Variants in GLRB observed in about 807,000 individuals in gnomAD.
GLRB encodes glycine receptor beta.
Under a neutral mutation model 54.2 loss-of-function variants are expected in GLRB, and 33 were observed. The observed-to-expected ratio is 0.61, with a 90% CI of 0.46 to 0.81. The LOEUF (loss-of-function observed/expected upper bound fraction) is 0.81, where lower values mean the gene tolerates loss of function less well. Ranked by LOEUF, GLRB falls within the 40% of genes least tolerant of loss-of-function variation. GLRB has a pLI of 0.00. For synonymous variants in GLRB, 209 were observed against 208.2 expected (o/e 1.00, Z -0.03); for missense variants, 572 against 584.6 (o/e 0.98, Z 0.22).
At chr4:157,087,117 C>T (rs924185135) in intron 2 of GLRB, among the ~76,000 whole-genome samples, 1 of 152,086 alleles carries the variant, frequency 6.6e-6, no homozygotes, top group African/African-American at 2.4e-5. Context: ...TTTATGCTTG[C>T]TAGTTCAAAG....
At chr4:157,164,976 C>G (rs1047709061) in intron 9 of GLRB, among the ~76,000 whole-genome samples, 2 of 152,056 alleles carry the variant, frequency 1.3e-5, no homozygotes, top group African/African-American at 4.8e-5. Flanking sequence ...TAGAAACACA[C>G]TTGTTTGAAT....
At chr4:157,097,133 T>C (rs149645858) in intron 2 of GLRB, among the ~76,000 whole-genome samples, 1 of 152,330 alleles carries the variant, frequency 6.6e-6, no homozygotes, top group African/African-American at 2.4e-5. Flanking sequence ...TGTGGATATA[T>C]ATAAGAAATC....
In GLRB at chr4:157,134,468, C is replaced by A. The variant is rs2126561634; in HGVS notation, c.298-2001C>A. Among the ~76,000 whole-genome samples, 3 of 151,914 alleles carry A rather than the reference C, an allele frequency of 2.0e-5. 1 individual carries two copies. In the East Asian group the frequency reaches 5.8e-4, roughly 29 times the overall value. ...TAGTTTCACTGCCCTCCAACCTGGG[C>A]AACAGAGCAAGACCCTGTCTCAAAA... On this transcript the variant is annotated intron_variant, in intron 4 of 9. Coordinates refer to ENST00000264428, the MANE Select transcript of GLRB (RefSeq NM_000824.5).
chr4:157,166,106 A>T (rs1240477213), intron 9 of GLRB, among the ~76,000 whole-genome samples: 1 of 150,124 alleles, frequency 6.7e-6, no homozygotes, highest in Non-Finnish European at 1.5e-5. Context: ...CTAAAGTTGG[A>T]GGCATTAGAA....
intron 4 of GLRB, among the ~76,000 whole-genome samples, chr4:157,134,848 G>T (rs1441596250): frequency 6.6e-6 from 1 of 152,024 alleles, no homozygotes; most frequent in Non-Finnish European, 1.5e-5. Context: ...ATATGAGAGA[G>T]AAATTGTTAA....
chr4:157,092,609 G>A (rs946842868), intron 2 of GLRB, among the ~76,000 whole-genome samples: 1 of 152,178 alleles, frequency 6.6e-6, no homozygotes, highest in African/African-American at 2.4e-5. Flanking sequence ...TAAACTCAGA[G>A]TGTTAGGTCT....
chr4:157,131,208 C>T (rs900632938), intron 4 of GLRB, among the ~76,000 whole-genome samples: 1 of 151,684 alleles, frequency 6.6e-6, no homozygotes, highest in Non-Finnish European at 1.5e-5. Flanking sequence ...ATTGAAAGAA[C>T]AAACAATATT....
intron 6 of GLRB, among the ~76,000 whole-genome samples, chr4:157,137,999 C>G (rs1736467742): frequency 6.6e-6 from 1 of 152,078 alleles, no homozygotes; most frequent in Non-Finnish European, 1.5e-5. Context: ...AATTATGTCC[C>G]TTTGAGGGAT....
At chr4:157,133,216 G>A (rs1021514666) in intron 4 of GLRB, among the ~76,000 whole-genome samples, 2 of 151,844 alleles carry the variant, frequency 1.3e-5, no homozygotes, top group South Asian at 4.2e-4. Flanking sequence ...AAACTTTTGT[G>A]AGTACTCACT....
intron 8 of GLRB, among the ~76,000 whole-genome samples, chr4:157,149,430 A>G (rs1361937230): frequency 6.6e-6 from 1 of 152,084 alleles, no homozygotes; most frequent in African/African-American, 2.4e-5. Context: ...AATACTCTTA[A>G]CTAAGTAAAC....
intron 2 of GLRB, among the ~76,000 whole-genome samples, chr4:157,089,897 A>G (rs1437755220): frequency 6.6e-6 from 1 of 152,216 alleles, no homozygotes; most frequent in Non-Finnish European, 1.5e-5. Context: ...GAGAAATGAC[A>G]AAAGCATCTT....
At chr4:157,139,000 T>C (rs767755571) in intron 7 of GLRB, 51 bp downstream of exon 7, 26 of 1,002,784 alleles carry the variant, frequency 2.6e-5, no homozygotes, top group Non-Finnish European at 3.8e-5. Flanking sequence ...AGATACATTT[T>C]AATTAATACA....
In GLRB at chr4:157,076,297, G is replaced by A. The variant is rs1198798924; in HGVS notation, c.-30G>A. 6.6e-6 allele frequency: 1 copy of A among 151,520 alleles called. No individual in the cohort carries two copies. Among genetic ancestry groups the A allele is most frequent in the Non-Finnish European group, 1.5e-5 (1 of 67,876 alleles). The allele number at this position is 151,520 out of a possible 1,614,324, so 9.4% of individuals were successfully genotyped here. On this transcript the variant is annotated splice_region_variant and 5_prime_UTR_variant, in exon 1 of 10. Coordinates refer to ENST00000264428, the MANE Select transcript of GLRB (RefSeq NM_000824.5). Reference sequence around the variant, plus strand: ...GCGATTGTGGGCAGGGGCGCCTCCGGGTAAGTGCCAGGAGCTCCACTTAGG... The same window carrying A: ...GCGATTGTGGGCAGGGGCGCCTCCGAGTAAGTGCCAGGAGCTCCACTTAGG...
chr4:157,164,305 T>C (rs2126628336), intron 9 of GLRB, among the ~76,000 whole-genome samples: 1 of 152,344 alleles, frequency 6.6e-6, no homozygotes, highest in East Asian at 1.9e-4. Flanking sequence ...AGCATACAGT[T>C]ATTTCTCCAG....
At chr4:157,107,109 C>T (rs1019005052) in intron 2 of GLRB, among the ~76,000 whole-genome samples, 53 of 152,198 alleles carry the variant, frequency 3.5e-4, no homozygotes, top group African/African-American at 1.1e-3. Flanking sequence ...ATCATGCCCA[C>T]ATAAGAGTGC....
chr4:157,152,951 G>T lies in GLRB; in HGVS notation c.1138G>T (p.Val380Leu). Reference protein sequence around the residue: ...AEQADGKGGNVAKKNTVNGTG... With the variant: ...AEQADGKGGNLAKKNTVNGTG... ...GCAAGCAGATGGAAAAGGTGGAAAT[G>T]TGGCTAAAAAGAATACTGTGAATGG... Residue 380 changes from valine to leucine, a missense_variant, in exon 9 of 10, where the codon GTG becomes TTG. Physicochemically the swap from Val to Leu is conservative, Grantham distance 32. Coordinates refer to ENST00000264428, the MANE Select transcript of GLRB (RefSeq NM_000824.5). 1 of 1,614,026 alleles carries T rather than the reference G, an allele frequency of 6.2e-7. No individual in the cohort carries two copies. The highest frequency in any genetic ancestry group is 1.7e-4 in the Middle Eastern group (1 of 6,060).
chr4:157,167,534 T>G (rs1226932050), intron 9 of GLRB, among the ~76,000 whole-genome samples: 1 of 152,166 alleles, frequency 6.6e-6, no homozygotes, highest in Non-Finnish European at 1.5e-5. Context: ...GACAAATTGA[T>G]GAAAGTAGTC....
chr4:157,118,558 A>C (rs4618360), intron 2 of GLRB, among the ~76,000 whole-genome samples: 64,134 of 151,310 alleles, frequency 0.42, 16,057 homozygotes, highest in African/African-American at 0.7. Flanking sequence ...CGTATGATCT[A>C]TGCACTTTTG....
At chr4:157,125,898 A>C (rs1735999198) in intron 4 of GLRB, among the ~76,000 whole-genome samples, 1 of 151,958 alleles carries the variant, frequency 6.6e-6, no homozygotes, top group African/African-American at 2.4e-5. Flanking sequence ...CAGTGAGCTG[A>C]GATCATGCCA....
Sources: gnomAD v4.1 joint callset for allele counts (sites outside exome capture counted in the v4.1 genomes callset) on GRCh38, gnomAD v4.1.1 for gene constraint, MANE v1.5 for transcripts, NCBI Gene and HGNC (gene_info 2026-07-23, HGNC 2026-07-21) for gene names.